The following WASF1 variants were observed in gnomAD, a reference collection of about 807,000 sequenced individuals.
WASF1 encodes the protein WASP family member 1.
WASF1 carries 7 observed loss-of-function variants against 50.5 expected under a neutral mutation model. That is an observed-to-expected ratio of 0.14 (90% CI 0.08 to 0.26). The LOEUF (loss-of-function observed/expected upper bound fraction) is 0.26, where lower values mean the gene tolerates loss of function less well. Among genes scored for constraint, WASF1 ranks in the 10% least tolerant of loss-of-function variants. WASF1 has a pLI of 1.00. For missense variants in WASF1, 470 were observed against 694.7 expected, an observed-to-expected ratio of 0.68 and a Z score of 3.64; for synonymous variants, 205 against 244.0, an observed-to-expected ratio of 0.84 and a Z score of 1.49.
intron 3 of WASF1, among the ~76,000 whole-genome samples, chr6:110,137,246 A>C (rs114496651): frequency 6.6e-6 from 1 of 152,182 alleles, no homozygotes; most frequent in African/African-American, 2.4e-5. Flanking sequence ...TGAATTCCTT[A>C]TATTTTCCCC....
At chr6:110,170,245 C>A (rs920893187) in intron 2 of WASF1, among the ~76,000 whole-genome samples, 1 of 152,020 alleles carries the variant, frequency 6.6e-6, no homozygotes. Context: ...GGGGGTGAAA[C>A]AGAGGTTCCT....
intron 3 of WASF1, among the ~76,000 whole-genome samples, chr6:110,148,299 G>A (rs1343748797): frequency 6.6e-6 from 1 of 151,926 alleles, no homozygotes. Context: ...TGTGTGCCAA[G>A]TGCTAAAGAT....
chr6:110,122,519 C>A (rs1774186635), intron 4 of WASF1, among the ~76,000 whole-genome samples: 1 of 152,182 alleles, frequency 6.6e-6, no homozygotes, highest in African/African-American at 2.4e-5. Context: ...ACCTCCTCCA[C>A]CTCTCTGCCT....
chr6:110,110,821 T>G (rs1477944049), intron 5 of WASF1, among the ~76,000 whole-genome samples: 4 of 141,300 alleles, frequency 2.8e-5, no homozygotes, highest in Non-Finnish European at 3.0e-5. Flanking sequence ...ACACATGATG[T>G]TTTTTTTTTA....
At position 110,101,827 on chromosome 6, in the gene WASF1, G is replaced by A. The variant is rs758954190; in HGVS notation, c.1283C>T (p.Pro428Leu). The stretch of plus-strand genomic sequence containing the variant: ...GCCAGGTGGAGGCAGAGGAGGCGGT[G>A]GTGGGGGTGGAGGCAGCCCCTGAAC... ...GEVQGLPPPP[P>L]PPPLPPPGIR... Residue 428 changes from proline to leucine, a missense_variant, in exon 10 of 11, where the codon CCA becomes CTA. Transcript: ENST00000392589. 8.1e-6 allele frequency: 13 copies of A among 1,614,134 alleles called. No homozygotes were observed. The highest frequency in any genetic ancestry group is 1.1e-5 in the Non-Finnish European group (13 of 1,180,016).
intron 4 of WASF1, among the ~76,000 whole-genome samples, chr6:110,120,511 A>C (rs1241358044): frequency 2.6e-5 from 4 of 152,212 alleles, no homozygotes; most frequent in Admixed American, 6.5e-5. Context: ...GGAGAACTAC[A>C]AACCACTGCT....
chr6:110,116,334 T>C (rs977728837), intron 4 of WASF1, among the ~76,000 whole-genome samples: 4 of 152,116 alleles, frequency 2.6e-5, no homozygotes, highest in Non-Finnish European at 5.9e-5. Flanking sequence ...GATCAAATAC[T>C]ATATGCTTTT....
At chr6:110,147,345 C>CAA (rs575990346) in intron 3 of WASF1, among the ~76,000 whole-genome samples, 30 of 75,044 alleles carry the variant, frequency 4.0e-4, no homozygotes, top group South Asian at 1.6e-3. Flanking sequence ...GACTCCGTCT[C>CAA]AAAAAAAAAA....
At chr6:110,101,156 T>G (rs1230988213) in intron 10 of WASF1, among the ~76,000 whole-genome samples, 4 of 152,186 alleles carry the variant, frequency 2.6e-5, no homozygotes, top group Non-Finnish European at 1.5e-5. Flanking sequence ...GTCTTTCCTT[T>G]GTTACTAAGG....
chr6:110,145,990 G>A (rs1412719035), intron 3 of WASF1, among the ~76,000 whole-genome samples: 4 of 129,972 alleles, frequency 3.1e-5, no homozygotes, highest in Non-Finnish European at 6.4e-5. Context: ...TGTGGGGTGG[G>A]GGGAGGGGGG....
rs201321386 is a variant in WASF1, at chr6:110,134,422, C to CT, written c.-28-6794dup. On this transcript the variant is annotated intron_variant, in intron 3 of 10. Transcript: ENST00000392589. ...ATTCTGTTCCATTGTTCTATGTGCC[C>CT]TTTTTTTTTTTCTTTTTTGGAGATG... Among the ~76,000 whole-genome samples, 560 of 144,912 alleles carry CT rather than the reference C, an allele frequency of 3.9e-3. 1 individual carries two copies. Among genetic ancestry groups the CT allele is most frequent in the African/African-American group, 0.01 (414 of 39,644 alleles).
At chr6:110,174,649 A>G (rs1367536813) in intron 2 of WASF1, among the ~76,000 whole-genome samples, 1 of 152,220 alleles carries the variant, frequency 6.6e-6, no homozygotes, top group Non-Finnish European at 1.5e-5. Context: ...GGGCTATGAT[A>G]GCAATTAAAC....
Position 110,102,209 on chromosome 6 carries a change from T to C in WASF1, c.901A>G (p.Thr301Ala). ...KPIPTCISSA[T>A]GLIENRPQSP... Reference sequence around the variant, plus strand: ...TGAGGGCGATTTTCTATCAAACCTGTAGCAGAACTGAAATGACAAAGAGAT... The same window carrying C: ...TGAGGGCGATTTTCTATCAAACCTGCAGCAGAACTGAAATGACAAAGAGAT... The change falls in exon 10 of 11, where the codon ACA (threonine) becomes GCA (alanine). Residue 301 changes from threonine to alanine, a missense_variant. Coordinates refer to ENST00000392589, the MANE Select transcript of WASF1 (RefSeq NM_003931.3). 7.1e-7 allele frequency: 1 copy of C among 1,405,048 alleles called. No homozygotes were observed. The highest frequency in any genetic ancestry group is 9.3e-7 in the Non-Finnish European group (1 of 1,075,480). 87.0% of individuals were successfully genotyped at this position (1,405,048 alleles called of 1,614,324 possible).
chr6:110,112,894 C>CAAAAA (rs1229766023), intron 5 of WASF1, among the ~76,000 whole-genome samples: 2 of 75,890 alleles, frequency 2.6e-5, no homozygotes, highest in Non-Finnish European at 5.8e-5. Flanking sequence ...GTGTCTGTCT[C>CAAAAA]AAAAAAAAAA....
At chr6:110,127,432 T>C in intron 4 of WASF1, 37 bp downstream of exon 4, 1 of 1,514,462 alleles carries the variant, frequency 6.6e-7, no homozygotes, top group Non-Finnish European at 8.9e-7. Context: ...CATAACATTC[T>C]GGTTTGTGAG....
intron 5 of WASF1, among the ~76,000 whole-genome samples, chr6:110,109,682 G>A (rs1035022458): frequency 6.6e-6 from 1 of 151,014 alleles, no homozygotes; most frequent in Non-Finnish European, 1.5e-5. Flanking sequence ...TTCCCAAGTA[G>A]CTGGGACTAC....
intron 3 of WASF1, among the ~76,000 whole-genome samples, chr6:110,139,195 G>A (rs1276680350): frequency 6.6e-6 from 1 of 152,224 alleles, no homozygotes; most frequent in Non-Finnish European, 1.5e-5. Flanking sequence ...ACAGGTGCCG[G>A]GATCGGGGAG....
At chr6:110,175,440 T>C (rs1776888944) in intron 2 of WASF1, among the ~76,000 whole-genome samples, 1 of 152,112 alleles carries the variant, frequency 6.6e-6, no homozygotes, top group African/African-American at 2.4e-5. Context: ...GGATCAAGAC[T>C]ACTTTCTTTT....
chr6:110,128,843 C>T (rs573392457), intron 3 of WASF1, among the ~76,000 whole-genome samples: 12 of 152,220 alleles, frequency 7.9e-5, no homozygotes, highest in South Asian at 4.2e-4. Context: ...AGATCAGTGG[C>T]GGCATTAGAT....
Sources: allele counts gnomAD v4.1 joint callset (sites outside exome capture counted in the v4.1 genomes callset), GRCh38; gene constraint gnomAD v4.1.1; transcripts MANE v1.5; gene names NCBI Gene and HGNC (gene_info 2026-07-23, HGNC 2026-07-21).